The following MAF variants were observed in gnomAD, a reference collection of about 807,000 sequenced individuals.
MAF encodes transcription factor Maf.
A neutral mutation model predicts 22.0 loss-of-function variants in MAF; 10 were observed. The observed-to-expected ratio is 0.45, with a 90% CI of 0.28 to 0.77. The LOEUF is 0.77. Among genes scored for constraint, MAF ranks in the 30% least tolerant of loss-of-function variants. The pLI is 0.12. For synonymous variants in MAF, 337 were observed against 255.8 expected (o/e 1.32, Z -3.03); for missense variants, 544 against 548.4 (o/e 0.99, Z 0.08).
the MAF span, among the ~76,000 whole-genome samples, chr16:79,273,949 CTTTTTTTTTT>C: frequency 3.5e-5 from 3 of 86,458 alleles, no homozygotes; most frequent in Non-Finnish European, 4.4e-5. Context: ...TCGTGTCTGC[CTTTTTTTTTT>C]TTTTTTTTTT....
the MAF span, among the ~76,000 whole-genome samples, chr16:79,370,215 G>GT: frequency 6.6e-6 from 1 of 152,326 alleles, no homozygotes; most frequent in South Asian, 2.1e-4. Flanking sequence ...TTAGGAACAG[G>GT]TGTAGAAATG....
the MAF span, among the ~76,000 whole-genome samples, chr16:79,447,069 C>A: frequency 1.1e-4 from 6 of 52,716 alleles, no homozygotes; most frequent in African/African-American, 2.6e-4. Flanking sequence ...TCACTACATA[C>A]ATGAGCAAAA....
chr16:79,599,443 C>T lies in MAF; in HGVS notation c.460G>A (p.Gly154Ser), dbSNP rs1022938471. The T allele has an allele frequency of 2.2e-5, 27 of 1,251,368 alleles. No homozygotes were observed. The Admixed American group carries it at 1.0e-3, about 48-fold the overall frequency. The allele number at this position is 1,251,368 out of a possible 1,614,324, so 77.5% of individuals were successfully genotyped here. The change falls in exon 1 of 2, where the codon GGC becomes AGC. Residue 154 changes from glycine to serine, a missense_variant. This residue lies in a region of MAF where 342 missense variants were observed against 315.5 expected (regional missense o/e 1.08). Transcript: ENST00000326043. ...GCGGCGGCGGGGCCCATCTCCTCGC[C>T]GCTGCCGCCCAAGGAGGCGCCGGCA... ...AGAGASLGGS[G>S]EEMGPAAAVV...
chr16:79,427,093 G>A, the MAF span, among the ~76,000 whole-genome samples: 2 of 152,222 alleles, frequency 1.3e-5, no homozygotes, highest in African/African-American at 4.8e-5. Context: ...CTCCTAATCT[G>A]TTGTGAGGAC....
the MAF span, among the ~76,000 whole-genome samples, chr16:79,389,251 C>CTTTA: frequency 1.7e-3 from 254 of 152,182 alleles, 1 homozygote; most frequent in African/African-American, 5.5e-3. Flanking sequence ...GAAGATCGCT[C>CTTTA]TTTATTTATT....
chr16:79,422,710 C>T, the MAF span, among the ~76,000 whole-genome samples: 5 of 152,292 alleles, frequency 3.3e-5, no homozygotes, highest in African/African-American at 1.2e-4. Context: ...CTCATTCACT[C>T]ACTCATTCAA....
intron 1 of MAF, among the ~76,000 whole-genome samples, chr16:79,588,310 T>C (rs1454805757): frequency 6.6e-6 from 1 of 152,230 alleles, no homozygotes; most frequent in Non-Finnish European, 1.5e-5. Context: ...AAGATTGCCC[T>C]AAGACAGCAG....
chr16:79,229,047 T>A, the MAF span, among the ~76,000 whole-genome samples: 2 of 151,712 alleles, frequency 1.3e-5, no homozygotes. Flanking sequence ...AAAAGCCCAA[T>A]CAGCCACATT....
chr16:79,274,438 C>T, the MAF span, among the ~76,000 whole-genome samples: 1 of 152,094 alleles, frequency 6.6e-6, no homozygotes, highest in Non-Finnish European at 1.5e-5. Context: ...TTAACAAGCT[C>T]CCCAAGGGGA....
At chr16:79,417,855 C>T in the MAF span, among the ~76,000 whole-genome samples, 6 of 152,120 alleles carry the variant, frequency 3.9e-5, no homozygotes, top group African/African-American at 9.7e-5. Context: ...CGACGCGGCA[C>T]ACGTTACTTT....
chr16:79,286,196 C>T, the MAF span, among the ~76,000 whole-genome samples: 2 of 152,124 alleles, frequency 1.3e-5, no homozygotes, highest in Non-Finnish European at 2.9e-5. Context: ...TTTTTAAATA[C>T]TTTTTTGTTT....
chr16:79,385,053 G>C, the MAF span, among the ~76,000 whole-genome samples: 3 of 152,210 alleles, frequency 2.0e-5, no homozygotes, highest in African/African-American at 7.2e-5. Flanking sequence ...ATAGCCATAG[G>C]TTGGAGAATT....
chr16:79,513,200 G>A, the MAF span, among the ~76,000 whole-genome samples: 1 of 152,220 alleles, frequency 6.6e-6, no homozygotes, highest in Non-Finnish European at 1.5e-5. Flanking sequence ...CTTGCTCCAG[G>A]CATCAACAGC....
At chr16:79,512,942 G>A in the MAF span, among the ~76,000 whole-genome samples, 75 of 152,334 alleles carry the variant, frequency 4.9e-4, no homozygotes, top group Middle Eastern at 0.017. Flanking sequence ...GTCAAGCAGC[G>A]CGAGAGAGGG....
the MAF span, among the ~76,000 whole-genome samples, chr16:79,572,233 A>T: frequency 6.6e-6 from 1 of 152,170 alleles, no homozygotes; most frequent in Non-Finnish European, 1.5e-5. Flanking sequence ...TCTGGTAGCA[A>T]CACCACAGGG....
the MAF span, among the ~76,000 whole-genome samples, chr16:79,330,550 G>A: frequency 1.8e-4 from 28 of 152,314 alleles, no homozygotes; most frequent in Admixed American, 1.6e-3. Flanking sequence ...CAAGAGAGGA[G>A]ATACTGGGCC....
chr16:79,460,457 T>G, the MAF span, among the ~76,000 whole-genome samples: 1 of 152,242 alleles, frequency 6.6e-6, no homozygotes, highest in Non-Finnish European at 1.5e-5. Context: ...CCCATTCCAC[T>G]TGGAACTCTA....
the MAF span, among the ~76,000 whole-genome samples, chr16:79,498,164 C>A: frequency 3.9e-5 from 6 of 152,146 alleles, no homozygotes; most frequent in South Asian, 2.1e-4. Context: ...TATCTTAGCT[C>A]CAGTACTTGG....
the MAF span, among the ~76,000 whole-genome samples, chr16:79,316,697 G>C: frequency 6.6e-6 from 1 of 152,152 alleles, no homozygotes; most frequent in Non-Finnish European, 1.5e-5. Context: ...GATGAAACAT[G>C]AGGGGTCAGG....
Sources: gnomAD v4.1 joint callset for allele counts (sites outside exome capture counted in the v4.1 genomes callset) on GRCh38, gnomAD v4.1.1 for gene constraint, gnomAD v4.1.1 regional missense constraint, MANE v1.5 for transcripts, NCBI Gene and HGNC (gene_info 2026-07-23, HGNC 2026-07-21) for gene names.